SMARCA2: variants seen among roughly 807,000 people sequenced by gnomAD.
SMARCA2 encodes the protein SWI/SNF-related matrix-associated actin-dependent regulator of chromatin subfamily A member 2.
Under a neutral mutation model 199.8 loss-of-function variants are expected in SMARCA2, and 61 were observed. The ratio of observed to expected loss-of-function variants is 0.31; its 90% CI spans 0.25 to 0.38. SMARCA2 has a LOEUF of 0.38. Among genes scored for constraint, SMARCA2 ranks in the 10% least tolerant of loss-of-function variants. The pLI is 1.00. For missense variants in SMARCA2, 1,344 were observed against 2,012.2 expected (o/e 0.67, Z 6.35); for synonymous variants, 935 against 732.0 (o/e 1.28, Z -4.48).
At chr9:2,081,591 G>A (rs1490485414) in intron 14 of SMARCA2, among the ~76,000 whole-genome samples, 3 of 152,114 alleles carry the variant, frequency 2.0e-5, no homozygotes, top group African/African-American at 4.8e-5. Flanking sequence ...GTGGATGAGC[G>A]GCAAAGCTGC....
chr9:2,166,721 G>GA (rs1484029067), intron 28 of SMARCA2, among the ~76,000 whole-genome samples: 3 of 152,170 alleles, frequency 2.0e-5, no homozygotes, highest in African/African-American at 4.8e-5. Context: ...ACATACCCCT[G>GA]AAAATCACTT....
intron 9 of SMARCA2, among the ~76,000 whole-genome samples, chr9:2,061,226 T>C (rs1298044035): frequency 2.0e-5 from 3 of 152,192 alleles, no homozygotes; most frequent in Non-Finnish European, 4.4e-5. Flanking sequence ...TCATAAATCA[T>C]TGTTTAATAG....
chr9:2,020,769 C>G (rs1236726408), intron 1 of SMARCA2, among the ~76,000 whole-genome samples: 1 of 151,976 alleles, frequency 6.6e-6, no homozygotes, highest in Non-Finnish European at 1.5e-5. Context: ...ATAATTGTAC[C>G]TCAGAAAAAC....
chr9:2,075,760 C>A (rs1022723999), intron 12 of SMARCA2, among the ~76,000 whole-genome samples: 1 of 152,052 alleles, frequency 6.6e-6, no homozygotes, highest in African/African-American at 2.4e-5. Context: ...TGGGTTCAAG[C>A]GATTCTCCTG....
At position 2,056,604 on chromosome 9, in the gene SMARCA2, G is replaced by C. The variant is rs929238034; in HGVS notation, c.1174-68G>C. The C allele has an allele frequency of 4.1e-6, 6 of 1,447,560 alleles. No homozygotes were observed. Among genetic ancestry groups the C allele is most frequent in the Non-Finnish European group, 5.6e-6 (6 of 1,068,918 alleles). 89.7% of individuals were successfully genotyped at this position (1,447,560 alleles called of 1,614,324 possible). A position where few individuals can be genotyped will look rare whatever the true frequency, so the allele number is the denominator to read the frequency against. ...ACTCTATTCCATTAAATGCAACCGC[G>C]AGAAGGCCAGAGTTCAGGAACCTAG... On this transcript the variant is annotated intron_variant, in intron 6 of 33. Coordinates refer to ENST00000349721, the MANE Select transcript of SMARCA2 (RefSeq NM_003070.5). The surrounding 1 kb of genome is among the most constrained non-coding windows in gnomAD (Gnocchi z 4.0).
chr9:2,152,934 A>G (rs940650150), intron 27 of SMARCA2, among the ~76,000 whole-genome samples: 24 of 152,348 alleles, frequency 1.6e-4, no homozygotes, highest in Middle Eastern at 6.8e-3. Flanking sequence ...GTGGCCATAC[A>G]GGAGAGATTC....
chr9:2,187,549 G>A (rs984025617), intron 32 of SMARCA2, among the ~76,000 whole-genome samples: 1 of 152,074 alleles, frequency 6.6e-6, no homozygotes, highest in South Asian at 2.1e-4. Flanking sequence ...GTGGTGGCAC[G>A]TGTCTATAGT....
In SMARCA2 at chr9:2,082,306, GGTGTGT is replaced by G. The variant is rs3057852; in HGVS notation, c.2348+351_2348+356del. ...CCTTAAGTGGCTCACAAAGGGGAAA[GGTGTGT>G]GTGTGTGTGTGTGTGTGTGTGTGTG... On this transcript the variant is annotated intron_variant, in intron 15 of 33. Coordinates refer to ENST00000349721, the MANE Select transcript of SMARCA2 (RefSeq NM_003070.5). Among the ~76,000 whole-genome samples, 1,733 of 121,806 alleles carry G rather than the reference GGTGTGT, an allele frequency of 0.014. 23 individuals carry two copies. The highest frequency in any genetic ancestry group is 0.02 in the East Asian group (82 of 4,106). 79.9% of individuals were successfully genotyped at this position (121,806 alleles called of 152,430 possible).
At chr9:2,027,239 C>G (rs1456587780) in intron 1 of SMARCA2, among the ~76,000 whole-genome samples, 2 of 152,050 alleles carry the variant, frequency 1.3e-5, no homozygotes, top group African/African-American at 2.4e-5. Context: ...GCCAGGAGTT[C>G]AAGACCAGCC....
At chr9:2,124,869 G>T (rs1265175025) in intron 27 of SMARCA2, among the ~76,000 whole-genome samples, 1 of 152,178 alleles carries the variant, frequency 6.6e-6, no homozygotes, top group Admixed American at 6.5e-5. Context: ...ACCTAGAAAG[G>T]CACAGCAACC....
intron 26 of SMARCA2, among the ~76,000 whole-genome samples, chr9:2,122,464 A>G (rs1447896957): frequency 2.0e-5 from 3 of 152,214 alleles, no homozygotes; most frequent in Non-Finnish European, 4.4e-5. Context: ...ATACCAAAAC[A>G]TTAGAAGACA....
chr9:2,076,600 T>A (rs1240885683), intron 13 of SMARCA2, among the ~76,000 whole-genome samples: 1 of 151,614 alleles, frequency 6.6e-6, no homozygotes, highest in Non-Finnish European at 1.5e-5. Flanking sequence ...CACCTCCAGC[T>A]CAGGCTCACT....
chr9:2,074,438 C>G (rs889612516), intron 12 of SMARCA2, among the ~76,000 whole-genome samples: 7 of 152,136 alleles, frequency 4.6e-5, no homozygotes, highest in African/African-American at 1.7e-4. Flanking sequence ...AATAGCTTAC[C>G]AGGGTCTCAA....
At chr9:2,055,605 C>T (rs1198258206) in intron 6 of SMARCA2, 2 of 152,214 alleles carry the variant, frequency 1.3e-5, no homozygotes, top group African/African-American at 4.8e-5. Flanking sequence ...ACAGGCCACT[C>T]CAGTTGCTAT....
rs1313222350 is a variant in SMARCA2 at position 2,073,604 on chromosome 9, A to G, written c.1916A>G (p.Asp639Gly). 28 of 1,611,092 alleles carry G rather than the reference A, an allele frequency of 1.7e-5. No homozygotes were observed. The highest frequency in any genetic ancestry group is 2.3e-5 in the Non-Finnish European group (27 of 1,177,324). The change falls in exon 12 of 34, where the codon GAT becomes GGT. Residue 639 changes from aspartate (D) to glycine (G), a missense_variant. Around this residue, in one of 18 missense-constraint regions of SMARCA2, gnomAD observed 106 missense variants for 179.7 expected, o/e 0.59. Transcript: ENST00000349721. ...CCTAGATCTGACAGTGAAGAGAGTGATTCTGATTATGAGGAAGAGGTATGT... is the reference window on the plus strand; with the variant it reads ...CCTAGATCTGACAGTGAAGAGAGTGGTTCTGATTATGAGGAAGAGGTATGT... ...VAPRSDSEES[D>G]SDYEEEDEEE... is the part of the protein sequence containing the mutation.
At chr9:2,159,164 T>A (rs1352032709) in intron 27 of SMARCA2, among the ~76,000 whole-genome samples, 1 of 152,258 alleles carries the variant, frequency 6.6e-6, no homozygotes, top group Non-Finnish European at 1.5e-5. Flanking sequence ...GCTTTTTCCC[T>A]CTTTTCAAAA....
intron 27 of SMARCA2, chr9:2,160,355 C>T: frequency 2.0e-6 from 1 of 501,370 alleles, no homozygotes; most frequent in Non-Finnish European, 3.5e-6. Context: ...CCTTAGGAAT[C>T]TGTCTGTGTG....
chr9:2,135,797 C>T (rs1824168321), intron 27 of SMARCA2, among the ~76,000 whole-genome samples: 2 of 152,106 alleles, frequency 1.3e-5, no homozygotes, highest in Admixed American at 1.3e-4. Context: ...CCTGCCTTGG[C>T]CTCCCAAAGT....
intron 28 of SMARCA2, chr9:2,162,876 G>A (rs910482272): frequency 1.3e-5 from 2 of 152,216 alleles, no homozygotes; most frequent in East Asian, 1.9e-4. Context: ...TATTGTCCTC[G>A]GATAGAGGAG....
Sources: gnomAD v4.1 joint callset for allele counts (sites outside exome capture counted in the v4.1 genomes callset) on GRCh38, gnomAD v4.1.1 for gene constraint, gnomAD v4.1.1 regional missense constraint, Gnocchi (gnomAD v3.1) non-coding constraint, MANE v1.5 for transcripts, NCBI Gene and HGNC (gene_info 2026-07-23, HGNC 2026-07-21) for gene names.